The following MARCHF1 variants were observed in gnomAD, a reference collection of about 807,000 sequenced individuals.
MARCHF1 encodes the protein membrane associated ring-CH-type finger 1.
In MARCHF1, 40 loss-of-function variants were observed where a neutral mutation model predicts 54.2. The observed-to-expected ratio is 0.74, with a 90% confidence interval of 0.57 to 0.96. The LOEUF (loss-of-function observed/expected upper bound fraction) is 0.96, where lower values mean the gene tolerates loss of function less well. MARCHF1 is among the 40% of genes least tolerant of loss of function. The probability of loss-of-function intolerance (pLI) is 0.00; values close to 1 mark genes in which losing one functional copy is unlikely to be tolerated. For missense variants in MARCHF1, 586 were observed against 656.5 expected (o/e 0.89, Z 1.17); for synonymous variants, 236 against 236.3 (o/e 1.00, Z 0.01).
intron 7 of MARCHF1, among the ~76,000 whole-genome samples, chr4:163,602,174 A>G (rs1164583840): frequency 6.6e-6 from 1 of 152,146 alleles, no homozygotes; most frequent in Non-Finnish European, 1.5e-5. Context: ...AAAATGCTGT[A>G]TAAAATAATA....
intron 1 of MARCHF1, among the ~76,000 whole-genome samples, chr4:164,354,356 A>T (rs1251713345): frequency 1.5e-5 from 2 of 136,714 alleles, no homozygotes; most frequent in African/African-American, 5.4e-5. Context: ...TTGATGCAAA[A>T]ATCCTCAATA....
intron 9 of MARCHF1, among the ~76,000 whole-genome samples, chr4:163,534,236 C>A (rs750551177): frequency 2.6e-5 from 4 of 152,084 alleles, no homozygotes; most frequent in Non-Finnish European, 5.9e-5. Flanking sequence ...AACACTCTTT[C>A]CTGCTAATCC....
intron 1 of MARCHF1, among the ~76,000 whole-genome samples, chr4:164,260,607 A>G (rs1733434735): frequency 1.3e-5 from 2 of 152,190 alleles, no homozygotes; most frequent in South Asian, 4.1e-4. Flanking sequence ...CCAGATTGAT[A>G]ATTTCACTTG....
At chr4:164,096,502 C>T (rs1332151745) in intron 2 of MARCHF1, among the ~76,000 whole-genome samples, 1 of 151,784 alleles carries the variant, frequency 6.6e-6, no homozygotes, top group African/African-American at 2.4e-5. Context: ...TAAATATAAG[C>T]CCAAACCTCA....
chr4:163,834,718 A>G (rs943407719), intron 4 of MARCHF1, among the ~76,000 whole-genome samples: 2 of 151,034 alleles, frequency 1.3e-5, no homozygotes, highest in African/African-American at 4.9e-5. Flanking sequence ...AACACCGCAT[A>G]TTCTCACTCA....
intron 2 of MARCHF1, among the ~76,000 whole-genome samples, chr4:163,993,998 G>A (rs1243173856): frequency 6.6e-6 from 1 of 152,070 alleles, no homozygotes; most frequent in African/African-American, 2.4e-5. Context: ...TACTCTCCAA[G>A]TAAATAAATG....
At chr4:164,195,890 TA>T (rs59513334) in intron 1 of MARCHF1, among the ~76,000 whole-genome samples, 23,245 of 152,056 alleles carry the variant, frequency 0.15, 2,445 homozygotes, top group African/African-American at 0.28. Context: ...TATTGGGACT[TA>T]AAAAATGATA....
intron 3 of MARCHF1, among the ~76,000 whole-genome samples, chr4:163,950,413 G>C (rs977530139): frequency 6.6e-6 from 1 of 152,250 alleles, no homozygotes; most frequent in Non-Finnish European, 1.5e-5. Context: ...TGAAATTGAA[G>C]TGGGCACCCA....
chr4:164,092,456 C>A (rs918406469), intron 2 of MARCHF1, among the ~76,000 whole-genome samples: 7 of 152,098 alleles, frequency 4.6e-5, no homozygotes, highest in Non-Finnish European at 8.8e-5. Context: ...TCAGTTAAGG[C>A]ATTCTGTGAA....
chr4:163,806,093 A>C (rs1187933691), intron 4 of MARCHF1, among the ~76,000 whole-genome samples: 2 of 152,180 alleles, frequency 1.3e-5, no homozygotes, highest in Admixed American at 6.6e-5. Flanking sequence ...TGTTCTTATT[A>C]GGTGCAGGCC....
At chr4:163,921,618 T>TA (rs147726685) in intron 3 of MARCHF1, among the ~76,000 whole-genome samples, 56 of 92,670 alleles carry the variant, frequency 6.0e-4, no homozygotes, top group African/African-American at 3.8e-3. Context: ...TGGTTATATA[T>TA]TTTTTTCTCA....
At chr4:164,168,854 A>T (rs1194563369) in intron 1 of MARCHF1, among the ~76,000 whole-genome samples, 1 of 152,050 alleles carries the variant, frequency 6.6e-6, no homozygotes, top group Non-Finnish European at 1.5e-5. Context: ...TGATTATGAC[A>T]TCTTTTTTAT....
intron 5 of MARCHF1, among the ~76,000 whole-genome samples, chr4:163,628,465 G>A (rs1741951535): frequency 6.6e-6 from 1 of 152,208 alleles, no homozygotes; most frequent in Admixed American, 6.5e-5. Flanking sequence ...AAAGCTGGAA[G>A]CATTCTCTTT....
intron 7 of MARCHF1, among the ~76,000 whole-genome samples, chr4:163,611,651 C>T (rs984762121): frequency 6.6e-6 from 1 of 152,034 alleles, no homozygotes; most frequent in Non-Finnish European, 1.5e-5. Flanking sequence ...AAGAACGCTG[C>T]CACATAGCTA....
intron 1 of MARCHF1, among the ~76,000 whole-genome samples, chr4:164,230,599 T>A (rs1272749254): frequency 6.6e-6 from 1 of 152,008 alleles, no homozygotes; most frequent in African/African-American, 2.4e-5. Flanking sequence ...TTACCTATAA[T>A]CTCCCTACTA....
intron 2 of MARCHF1, among the ~76,000 whole-genome samples, chr4:164,108,346 T>C (rs1029159603): frequency 4.6e-5 from 7 of 152,280 alleles, no homozygotes; most frequent in Middle Eastern, 3.4e-3. Flanking sequence ...TACTAAGTTT[T>C]ACCTGTATTT....
At chr4:164,000,131 C>G (rs1044773336) in intron 2 of MARCHF1, among the ~76,000 whole-genome samples, 3 of 151,646 alleles carry the variant, frequency 2.0e-5, no homozygotes, top group Admixed American at 2.0e-4. Flanking sequence ...ACACTCAGAT[C>G]AAGGCACTCT....
At chr4:163,840,091 TGACA>T (rs1749296565) in intron 4 of MARCHF1, among the ~76,000 whole-genome samples, 1 of 152,148 alleles carries the variant, frequency 6.6e-6, no homozygotes, top group Non-Finnish European at 1.5e-5. Context: ...CTAATAAATT[TGACA>T]ATCTAATTAT....
chr4:164,101,000 C>T lies in MARCHF1; in HGVS notation c.-248+10588G>A, dbSNP rs1022930623. 7.9e-5 allele frequency among the ~76,000 whole-genome samples: 12 copies of T among 152,340 alleles called. No homozygotes were observed. The East Asian group carries it at 1.9e-3, about 25-fold the overall frequency. The stretch of plus-strand genomic sequence containing the variant: ...CTTTCTGAGTCAAAGAAAGGGGTGA[C>T]GGACTGCACCTGGAAAATCAGGTCA... On this transcript the variant is annotated intron_variant, in intron 2 of 9. Coordinates refer to ENST00000514618, the MANE Select transcript of MARCHF1 (RefSeq NM_001394959.1).
Sources: allele counts gnomAD v4.1 joint callset (sites outside exome capture counted in the v4.1 genomes callset), GRCh38; gene constraint gnomAD v4.1.1; transcripts MANE v1.5; gene names NCBI Gene and HGNC (gene_info 2026-07-23, HGNC 2026-07-21).